The following HMBOX1 variants were observed in gnomAD, a reference collection of about 807,000 sequenced individuals.
HMBOX1 encodes homeobox-containing protein 1.
HMBOX1 carries 14 observed loss-of-function variants against 54.5 expected under a neutral mutation model. The ratio of observed to expected loss-of-function variants is 0.26; its 90% CI spans 0.17 to 0.40. HMBOX1 has a LOEUF of 0.40. Among genes scored for constraint, HMBOX1 ranks in the 10% least tolerant of loss-of-function variants. HMBOX1 has a pLI of 1.00. For missense variants in HMBOX1, 332 were observed against 514.4 expected (o/e 0.65, Z 3.43); for synonymous variants, 160 against 181.0 (o/e 0.88, Z 0.93).
At chr8:28,934,749 C>T (rs1420625505) in intron 1 of HMBOX1, among the ~76,000 whole-genome samples, 1 of 151,970 alleles carries the variant, frequency 6.6e-6, no homozygotes, top group East Asian at 1.9e-4. Flanking sequence ...CACGGTGAAA[C>T]CCCATCTCTA....
At chr8:28,906,471 T>C (rs1438781864) in intron 1 of HMBOX1, among the ~76,000 whole-genome samples, 12 of 152,248 alleles carry the variant, frequency 7.9e-5, no homozygotes, top group Non-Finnish European at 1.8e-4. Context: ...ACATTACATT[T>C]ATAAAATACT....
chr8:28,909,483 C>A (rs1034394800), intron 1 of HMBOX1, among the ~76,000 whole-genome samples: 1 of 152,122 alleles, frequency 6.6e-6, no homozygotes, highest in African/African-American at 2.4e-5. Flanking sequence ...TAGTCATGGA[C>A]CAGTTTCAGA....
chr8:28,916,695 A>G (rs541547150), intron 1 of HMBOX1, among the ~76,000 whole-genome samples: 1 of 152,170 alleles, frequency 6.6e-6, no homozygotes, highest in South Asian at 2.1e-4. Flanking sequence ...TTCTACGAAC[A>G]CACTATCTTC....
At position 29,002,364 on chromosome 8, in the gene HMBOX1, T is replaced by C. The variant is rs1271015059; in HGVS notation, c.587-6708T>C. On this transcript the variant is annotated intron_variant, in intron 4 of 9. Coordinates refer to ENST00000287701, the MANE Select transcript of HMBOX1 (RefSeq NM_001135726.3). ...CGAAGGCAGAAGGTGTAATGTCTTT[T>C]ATGACCTAGCTTCAAAAGTCATAGA... 2.0e-5 allele frequency among the ~76,000 whole-genome samples: 3 copies of C among 152,188 alleles called. No homozygotes were observed. In the East Asian group the frequency reaches 5.8e-4, roughly 29 times the overall value.
intron 1 of HMBOX1, among the ~76,000 whole-genome samples, chr8:28,956,265 A>G (rs1271474463): frequency 1.3e-5 from 2 of 151,344 alleles, no homozygotes; most frequent in Non-Finnish European, 2.9e-5. Flanking sequence ...AAACTTGATA[A>G]CTTGGATCTG....
chr8:29,007,683 T>C (rs1481894017), intron 4 of HMBOX1, among the ~76,000 whole-genome samples: 1 of 151,994 alleles, frequency 6.6e-6, no homozygotes, highest in Non-Finnish European at 1.5e-5. Context: ...CTGGATGTGG[T>C]GGGGCCTGGT....
chr8:28,947,353 C>T (rs936305153), intron 1 of HMBOX1, among the ~76,000 whole-genome samples: 17 of 152,162 alleles, frequency 1.1e-4, no homozygotes, highest in African/African-American at 3.9e-4. Flanking sequence ...TCTGACTGCC[C>T]ACCTGGTTAT....
intron 1 of HMBOX1, among the ~76,000 whole-genome samples, chr8:28,892,680 C>G (rs1811256288): frequency 6.6e-6 from 1 of 151,948 alleles, no homozygotes; most frequent in Non-Finnish European, 1.5e-5. Context: ...TGGTCATTCA[C>G]ACAGATAAGG....
chr8:28,922,710 A>G (rs1817761298), intron 1 of HMBOX1, among the ~76,000 whole-genome samples: 1 of 152,160 alleles, frequency 6.6e-6, no homozygotes, highest in African/African-American at 2.4e-5. Context: ...TTAATCTGTA[A>G]TGGAGACTTT....
At chr8:29,041,464 C>T (rs940150946) in intron 6 of HMBOX1, among the ~76,000 whole-genome samples, 2 of 151,944 alleles carry the variant, frequency 1.3e-5, no homozygotes, top group African/African-American at 2.4e-5. Context: ...TAGTGGGGAG[C>T]GCGTGTGAGG....
At chr8:28,958,479 T>C (rs1480857216) in intron 1 of HMBOX1, among the ~76,000 whole-genome samples, 2 of 152,192 alleles carry the variant, frequency 1.3e-5, no homozygotes, top group Non-Finnish European at 2.9e-5. Flanking sequence ...ATTCGTTTGA[T>C]TTATTGTATA....
intron 4 of HMBOX1, among the ~76,000 whole-genome samples, chr8:29,004,196 G>A (rs1586416087): frequency 6.6e-6 from 1 of 152,208 alleles, no homozygotes; most frequent in Non-Finnish European, 1.5e-5. Flanking sequence ...CTATCTAGCA[G>A]ATGGTTTGAA....
At chr8:28,985,536 T>C (rs1179140653) in intron 4 of HMBOX1, among the ~76,000 whole-genome samples, 1 of 152,244 alleles carries the variant, frequency 6.6e-6, no homozygotes, top group Admixed American at 6.5e-5. Flanking sequence ...TTTTATCAGA[T>C]GTGCATCTTA....
intron 4 of HMBOX1, among the ~76,000 whole-genome samples, chr8:28,980,734 A>C (rs1829197847): frequency 6.6e-6 from 1 of 152,016 alleles, no homozygotes. Flanking sequence ...TGCATTTTTT[A>C]ATGACGTTCT....
rs1187688893 is a variant in HMBOX1 at position 29,052,418 on chromosome 8, T to C, written c.*1263T>C. On this transcript the variant is annotated 3_prime_UTR_variant, in exon 10 of 10. Coordinates refer to ENST00000287701, the MANE Select transcript of HMBOX1 (RefSeq NM_001135726.3). ...AATTGGAAGCCATATTGATAATGGATGTGGTAATATTTGTAAAGTTTAATC... is the reference window on the plus strand; with the variant it reads ...AATTGGAAGCCATATTGATAATGGACGTGGTAATATTTGTAAAGTTTAATC... 6.6e-6 allele frequency: 1 copy of C among 152,256 alleles called. No homozygotes were observed. The highest frequency in any genetic ancestry group is 1.5e-5 in the Non-Finnish European group (1 of 68,044). 9.4% of individuals were successfully genotyped at this position (152,256 alleles called of 1,614,324 possible).
At chr8:28,931,024 G>A (rs1416476484) in intron 1 of HMBOX1, among the ~76,000 whole-genome samples, 1 of 152,124 alleles carries the variant, frequency 6.6e-6, no homozygotes, top group Non-Finnish European at 1.5e-5. Context: ...ATCATTTTGG[G>A]AATGATTTGT....
intron 1 of HMBOX1, among the ~76,000 whole-genome samples, chr8:28,936,725 A>T (rs1820461025): frequency 6.6e-6 from 1 of 151,534 alleles, no homozygotes. Context: ...AGATTCATCC[A>T]TTATAAATTT....
rs764578172 is a variant in HMBOX1 at position 29,045,369 on chromosome 8, A to G, written c.860A>G (p.Asn287Ser). 20 of 1,613,844 alleles carry G rather than the reference A, an allele frequency of 1.2e-5. No homozygotes were observed. Among genetic ancestry groups the G allele is most frequent in the African/African-American group, 8.0e-5 (6 of 74,934 alleles). The change falls in exon 7 of 10, where the codon AAT (asparagine) becomes AGT (serine). Residue 287 changes from asparagine (N) to serine (S), a missense_variant. By Grantham distance (46) the Asn-to-Ser change is conservative. This residue lies in a region of HMBOX1 where 117 missense variants were observed against 220.0 expected (regional missense o/e 0.53). Coordinates refer to ENST00000287701, the MANE Select transcript of HMBOX1 (RefSeq NM_001135726.3). The stretch of plus-strand genomic sequence containing the variant: ...ATCGGTTGCCTCTGCAGTTACTTCA[A>G]TGAGAATCAATACCCAGATGAAGCA... ...ECLAVMESYF[N>S]ENQYPDEAKR...
At chr8:29,019,483 G>A (rs1054298744) in intron 6 of HMBOX1, among the ~76,000 whole-genome samples, 3 of 151,780 alleles carry the variant, frequency 2.0e-5, no homozygotes, top group Admixed American at 6.6e-5. Context: ...AATTATGATT[G>A]TGAAATGTTT....
Sources: allele counts gnomAD v4.1 joint callset (sites outside exome capture counted in the v4.1 genomes callset), GRCh38; gene constraint gnomAD v4.1.1; regional missense constraint gnomAD v4.1.1; transcripts MANE v1.5; gene names NCBI Gene and HGNC (gene_info 2026-07-23, HGNC 2026-07-21).